Variants in CSMD1 observed in about 807,000 individuals in gnomAD.
The protein encoded by CSMD1 is CUB and Sushi multiple domains 1.
In CSMD1, 213 loss-of-function variants were observed where a neutral mutation model predicts 417.5. That is an observed-to-expected ratio of 0.51 (90% confidence interval 0.46 to 0.57). The LOEUF (loss-of-function observed/expected upper bound fraction) is 0.57, where lower values mean the gene tolerates loss of function less well. Ranked by LOEUF, CSMD1 falls within the 20% of genes least tolerant of loss-of-function variation. The pLI, the probability that CSMD1 is intolerant of heterozygous loss-of-function variation, is 0.00. For missense variants in CSMD1, 6,923 were observed against 4,529.7 expected (o/e 1.53, Z -15.17); for synonymous variants, 2,862 against 1,736.8 (o/e 1.65, Z -16.11).
chr8:3,214,742 T>A, intron 29 of CSMD1, 51 bp from the exon 30 acceptor site: 10 of 1,433,760 alleles, frequency 7.0e-6, no homozygotes, highest in Non-Finnish European at 8.4e-6. Context: ...CTTATTCTTG[T>A]TTGTGTTTTT....
At chr8:2,942,379 T>C in intron 69 of CSMD1, 93 bp downstream of exon 69, 5 of 1,043,796 alleles carry the variant, frequency 4.8e-6, no homozygotes, top group East Asian at 2.5e-5. Flanking sequence ...TAATATAAAA[T>C]ACATGTGCAT....
At chr8:4,341,189 C>T (rs920785945) in intron 3 of CSMD1, among the ~76,000 whole-genome samples, 4 of 151,990 alleles carry the variant, frequency 2.6e-5, no homozygotes, top group Non-Finnish European at 2.9e-5. Flanking sequence ...TTTGGGGATT[C>T]AAATCTGCAA....
chr8:4,212,872 G>A (rs779768181), intron 3 of CSMD1, among the ~76,000 whole-genome samples: 3 of 149,700 alleles, frequency 2.0e-5, no homozygotes, highest in Non-Finnish European at 4.4e-5. Context: ...CCTACAGGAA[G>A]ATGAGGACAA....
intron 3 of CSMD1, among the ~76,000 whole-genome samples, chr8:4,153,760 C>T (rs549279054): frequency 2.4e-4 from 36 of 152,312 alleles, no homozygotes; most frequent in African/African-American, 8.4e-4. Context: ...TGACCCTGTG[C>T]TCTAAAACCC....
intron 5 of CSMD1, among the ~76,000 whole-genome samples, chr8:3,979,840 G>C (rs897074669): frequency 3.3e-5 from 5 of 152,148 alleles, no homozygotes; most frequent in African/African-American, 1.2e-4. Flanking sequence ...GTAGAGAAGT[G>C]TCTAAATTTT....
chr8:3,562,114 G>T (rs868514388), intron 10 of CSMD1, among the ~76,000 whole-genome samples: 24 of 140,888 alleles, frequency 1.7e-4, no homozygotes, highest in South Asian at 8.8e-4. Context: ...ACCATATGAG[G>T]GAAAAGAAAA....
chr8:4,038,269 A>G (rs566192228), intron 3 of CSMD1, among the ~76,000 whole-genome samples: 4 of 152,272 alleles, frequency 2.6e-5, no homozygotes, highest in Non-Finnish European at 4.4e-5. Context: ...ATTAAGAATA[A>G]ATTAGAATAT....
chr8:3,260,710 G>C (rs146606776), intron 26 of CSMD1, among the ~76,000 whole-genome samples: 1 of 152,038 alleles, frequency 6.6e-6, no homozygotes, highest in Non-Finnish European at 1.5e-5. Flanking sequence ...AACAAAATGA[G>C]AACCTCGACC....
At chr8:4,451,669 T>G (rs1232610508) in intron 2 of CSMD1, among the ~76,000 whole-genome samples, 1 of 152,096 alleles carries the variant, frequency 6.6e-6, no homozygotes, top group Non-Finnish European at 1.5e-5. Context: ...GTCAATTGAG[T>G]TCACTGATGA....
At chr8:3,511,764 T>A (rs1170874068) in intron 10 of CSMD1, among the ~76,000 whole-genome samples, 2 of 12,970 alleles carry the variant, frequency 1.5e-4, no homozygotes, top group African/African-American at 6.4e-4. Flanking sequence ...TCTAAAAAAA[T>A]AACATAACAT....
chr8:4,253,054 C>A (rs560679893), intron 3 of CSMD1, among the ~76,000 whole-genome samples: 17 of 152,278 alleles, frequency 1.1e-4, no homozygotes, highest in Non-Finnish European at 1.3e-4. Flanking sequence ...CAACGTCTTA[C>A]GATGAGACTA....
chr8:3,516,326 T>C (rs1054614143), intron 10 of CSMD1, among the ~76,000 whole-genome samples: 3 of 152,208 alleles, frequency 2.0e-5, no homozygotes, highest in East Asian at 1.9e-4. Flanking sequence ...AAGGTCAACA[T>C]AGCAGATGAA....
chr8:4,277,174 T>C (rs1796533519), intron 3 of CSMD1, among the ~76,000 whole-genome samples: 1 of 149,506 alleles, frequency 6.7e-6, no homozygotes, highest in Admixed American at 6.8e-5. Flanking sequence ...TATACATACA[T>C]ATTTATATGT....
At chr8:3,678,843 C>A (rs1452783972) in intron 7 of CSMD1, among the ~76,000 whole-genome samples, 4 of 152,288 alleles carry the variant, frequency 2.6e-5, no homozygotes, top group African/African-American at 9.6e-5. Flanking sequence ...GATCTCTCAG[C>A]AGAAAGTCTA....
intron 1 of CSMD1, among the ~76,000 whole-genome samples, chr8:4,965,383 C>A (rs1462000344): frequency 6.6e-6 from 1 of 152,186 alleles, no homozygotes; most frequent in African/African-American, 2.4e-5. Flanking sequence ...GTCCCCCTAT[C>A]TGAATATTTT....
chr8:2,944,222 G>A (rs1167182537), intron 68 of CSMD1, among the ~76,000 whole-genome samples: 1 of 152,182 alleles, frequency 6.6e-6, no homozygotes, highest in Non-Finnish European at 1.5e-5. Flanking sequence ...AGCCAATTGG[G>A]TGTTCCCACC....
intron 25 of CSMD1, among the ~76,000 whole-genome samples, chr8:3,291,878 G>A (rs1021165504): frequency 6.6e-6 from 1 of 151,950 alleles, no homozygotes; most frequent in African/African-American, 2.4e-5. Flanking sequence ...GCTTTTGAAT[G>A]TGTTTGTTCT....
At chr8:3,246,819 C>T (rs1799914506) in intron 26 of CSMD1, among the ~76,000 whole-genome samples, 1 of 152,170 alleles carries the variant, frequency 6.6e-6, no homozygotes, top group African/African-American at 2.4e-5. Flanking sequence ...TCTCATTCCC[C>T]TGACACACTG....
intron 23 of CSMD1, among the ~76,000 whole-genome samples, chr8:3,313,836 C>T (rs540345478): frequency 6.6e-6 from 1 of 152,246 alleles, no homozygotes; most frequent in African/African-American, 2.4e-5. Context: ...TTTATAGCGG[C>T]ACTATTCACA....
Sources: gnomAD v4.1 joint callset for allele counts (sites outside exome capture counted in the v4.1 genomes callset) on GRCh38, gnomAD v4.1.1 for gene constraint, MANE v1.5 for transcripts, NCBI Gene and HGNC (gene_info 2026-07-23, HGNC 2026-07-21) for gene names.